FAM219A: variants seen among roughly 807,000 people sequenced by gnomAD.
FAM219A encodes protein FAM219A.
FAM219A carries 7 observed loss-of-function variants against 23.4 expected under a neutral mutation model. The observed-to-expected ratio is 0.30, with a 90% CI of 0.17 to 0.56. The LOEUF (loss-of-function observed/expected upper bound fraction) is 0.56, where lower values mean the gene tolerates loss of function less well. Among genes scored for constraint, FAM219A ranks in the 20% least tolerant of loss-of-function variants. FAM219A has a pLI of 0.92. For synonymous variants in FAM219A, 93 were observed against 99.0 expected (o/e 0.94, Z 0.36); for missense variants, 166 against 246.9 (o/e 0.67, Z 2.20).
At chr9:34,447,809 A>G (rs752423618) in intron 1 of FAM219A, among the ~76,000 whole-genome samples, 69 of 152,106 alleles carry the variant, frequency 4.5e-4, no homozygotes, top group Admixed American at 7.2e-4. Context: ...AGGATTTTAA[A>G]CTTTATATTA....
At chr9:34,425,153 TC>T (rs1822410803) in intron 1 of FAM219A, among the ~76,000 whole-genome samples, 1 of 152,144 alleles carries the variant, frequency 6.6e-6, no homozygotes. Flanking sequence ...CAAAACTTTC[TC>T]ACATTTAAAC....
chr9:34,407,321 A>T (rs748781911), intron 1 of FAM219A, among the ~76,000 whole-genome samples: 2 of 152,122 alleles, frequency 1.3e-5, no homozygotes, highest in East Asian at 1.9e-4. Flanking sequence ...CTGTTGCAAC[A>T]TTTTGGTTGG....
Position 34,400,618 on chromosome 9 carries a change from C to A in FAM219A, c.*346G>T. ...GGGCCAAGCCCCTGGCTTTGTGATCCCCCCACTCGTTAATGTTGACCTCCC... is the reference window on the plus strand; with the variant it reads ...GGGCCAAGCCCCTGGCTTTGTGATCACCCCACTCGTTAATGTTGACCTCCC... On this transcript the variant is annotated 3_prime_UTR_variant, in exon 6 of 6. Coordinates refer to ENST00000651358, the MANE Select transcript of FAM219A (RefSeq NM_001184940.2). 1 of 199,242 alleles carries A rather than the reference C, an allele frequency of 5.0e-6. No homozygotes were observed. The allele number at this position is 199,242 out of a possible 1,614,324, so 12.3% of individuals were successfully genotyped here. A position where few individuals can be genotyped will look rare whatever the true frequency, so the allele number is the denominator to read the frequency against.
chr9:34,407,065 TG>T (rs1411100670), intron 1 of FAM219A, among the ~76,000 whole-genome samples: 1 of 152,084 alleles, frequency 6.6e-6, no homozygotes, highest in Non-Finnish European at 1.5e-5. Context: ...CCTCCCAAAG[TG>T]CTAGGATTAC....
intron 1 of FAM219A, among the ~76,000 whole-genome samples, chr9:34,431,147 C>A (rs369547109): frequency 2.6e-5 from 4 of 152,330 alleles, no homozygotes; most frequent in African/African-American, 4.8e-5. Flanking sequence ...GGGCTTCATG[C>A]CAGCAGCCTA....
intron 1 of FAM219A, among the ~76,000 whole-genome samples, chr9:34,412,977 A>G (rs1821877229): frequency 6.6e-6 from 1 of 152,148 alleles, no homozygotes; most frequent in African/African-American, 2.4e-5. Flanking sequence ...AGCCAGAGAG[A>G]GCTTTAGAGT....
chr9:34,417,099 C>T lies in FAM219A; in HGVS notation c.61-11135G>A, dbSNP rs1461762371. Among the ~76,000 whole-genome samples, 1 of 151,760 alleles carries T rather than the reference C, an allele frequency of 6.6e-6. No homozygotes were observed. The highest frequency in any genetic ancestry group is 1.5e-5 in the Non-Finnish European group (1 of 67,948). The stretch of plus-strand genomic sequence containing the variant: ...CTTCTTCTTTTTGGAGTCAGAGTCT[C>T]GCTCTGGTGCCCAGGCTGGTTGCCC... On this transcript the variant is annotated intron_variant, in intron 1 of 5. Coordinates refer to ENST00000651358, the MANE Select transcript of FAM219A (RefSeq NM_001184940.2). This position sits in a 1 kb window ranked among gnomAD's most constrained non-coding sequence, Gnocchi z 4.1.
chr9:34,412,602 G>GAAAA (rs34403925), intron 1 of FAM219A, among the ~76,000 whole-genome samples: 2 of 143,048 alleles, frequency 1.4e-5, no homozygotes, highest in Non-Finnish European at 1.5e-5. Flanking sequence ...TGAGCGGAGT[G>GAAAA]AAAAAAAAAA....
At chr9:34,415,473 G>C (rs569405017) in intron 1 of FAM219A, among the ~76,000 whole-genome samples, 1 of 152,326 alleles carries the variant, frequency 6.6e-6, no homozygotes, top group African/African-American at 2.4e-5. Context: ...GCTATGAAAA[G>C]TTTTATAGAT....
chr9:34,455,338 CA>C (rs753911793), intron 1 of FAM219A, among the ~76,000 whole-genome samples: 1 of 151,736 alleles, frequency 6.6e-6, no homozygotes, highest in African/African-American at 2.4e-5. Context: ...CAATAAATGG[CA>C]AAAAAATGAA....
rs996326791 is a variant in FAM219A at position 34,400,709 on chromosome 9, C to T, written c.*255G>A. 1.0e-5 allele frequency: 4 copies of T among 381,092 alleles called. No individual in the cohort carries two copies. Among genetic ancestry groups the T allele is most frequent in the Non-Finnish European group, 1.9e-5 (4 of 213,786 alleles). 23.6% of individuals were successfully genotyped at this position (381,092 alleles called of 1,614,324 possible). A position where few individuals can be genotyped will look rare whatever the true frequency, so the allele number is the denominator to read the frequency against. On this transcript the variant is annotated 3_prime_UTR_variant, in exon 6 of 6. Coordinates refer to ENST00000651358, the MANE Select transcript of FAM219A (RefSeq NM_001184940.2). The stretch of plus-strand genomic sequence containing the variant: ...GGCAGGGTGCTGGGTGAGGTTCCCC[C>T]AGGTAACTGAACAAACGGCCCCCAC...
chr9:34,446,968 T>C (rs929803375), intron 1 of FAM219A, among the ~76,000 whole-genome samples: 4 of 152,238 alleles, frequency 2.6e-5, no homozygotes, highest in African/African-American at 7.2e-5. Flanking sequence ...CTTTGTTATA[T>C]AGTGGACTTA....
At chr9:34,433,818 G>A (rs532542367) in intron 1 of FAM219A, among the ~76,000 whole-genome samples, 31 of 152,224 alleles carry the variant, frequency 2.0e-4, no homozygotes, top group African/African-American at 7.0e-4. Flanking sequence ...ATATTCAATG[G>A]GGAAAGTAAC....
chr9:34,407,382 T>C (rs867113534), intron 1 of FAM219A, among the ~76,000 whole-genome samples: 4 of 152,234 alleles, frequency 2.6e-5, no homozygotes, highest in Middle Eastern at 3.2e-3. Flanking sequence ...ATTTTAAATG[T>C]TTAAAAATGT....
chr9:34,452,376 C>T (rs929181743), intron 1 of FAM219A, among the ~76,000 whole-genome samples: 15 of 152,206 alleles, frequency 9.9e-5, no homozygotes, highest in Non-Finnish European at 2.1e-4. Flanking sequence ...ACATGGGCTC[C>T]TGAGTTTCCC....
chr9:34,410,899 G>C (rs185397717), intron 1 of FAM219A, among the ~76,000 whole-genome samples: 5 of 152,244 alleles, frequency 3.3e-5, no homozygotes, highest in Middle Eastern at 3.4e-3. Context: ...CTAGTTCAAG[G>C]GTTCTTGTGA....
rs562088053 is a variant in FAM219A, at chr9:34,406,526, C to T, written c.61-562G>A. ...AAAAAAATAGTTCTAATGAGGACTT[C>T]TCCAGTTCACAAATGACACCTAAAG... On this transcript the variant is annotated intron_variant, in intron 1 of 5. Transcript: ENST00000651358. 6 of 978,716 alleles carry T rather than the reference C, an allele frequency of 6.1e-6. No individual in the cohort carries two copies. The African/African-American group carries it at 8.7e-5, about 14-fold the overall frequency. The allele number at this position is 978,716 out of a possible 1,614,324, so 60.6% of individuals were successfully genotyped here.
chr9:34,442,509 ACT>A (rs1433863387), intron 1 of FAM219A, among the ~76,000 whole-genome samples: 2 of 152,224 alleles, frequency 1.3e-5, no homozygotes, highest in African/African-American at 4.8e-5. Context: ...ACATGGCAAA[ACT>A]CTGTCTCTAC....
At chr9:34,449,685 G>C (rs1823492522) in intron 1 of FAM219A, among the ~76,000 whole-genome samples, 1 of 152,218 alleles carries the variant, frequency 6.6e-6, no homozygotes, top group South Asian at 2.1e-4. Flanking sequence ...TATTTCCCAT[G>C]AAACACATTG....
Sources: allele counts gnomAD v4.1 joint callset (sites outside exome capture counted in the v4.1 genomes callset), GRCh38; gene constraint gnomAD v4.1.1; non-coding constraint Gnocchi (gnomAD v3.1); transcripts MANE v1.5; gene names NCBI Gene and HGNC (gene_info 2026-07-23, HGNC 2026-07-21).